The following ATRNL1 variants were observed in gnomAD, a reference collection of about 807,000 sequenced individuals.
ATRNL1 encodes attractin-like protein 1.
Under a neutral mutation model 182.7 loss-of-function variants are expected in ATRNL1, and 95 were observed. The observed-to-expected ratio is 0.52, with a 90% CI of 0.44 to 0.62. The LOEUF (loss-of-function observed/expected upper bound fraction) is 0.62, where lower values mean the gene tolerates loss of function less well. Among genes scored for constraint, ATRNL1 ranks in the 20% least tolerant of loss-of-function variants. The pLI, the probability that ATRNL1 is intolerant of heterozygous loss-of-function variation, is 0.00. For synonymous variants in ATRNL1, 576 were observed against 568.3 expected (o/e 1.01, Z -0.19); for missense variants, 1,471 against 1,679.5 (o/e 0.88, Z 2.17).
At chr10:115,558,817 A>G (rs76796224) in intron 26 of ATRNL1, among the ~76,000 whole-genome samples, 2,974 of 148,444 alleles carry the variant, frequency 0.02, 65 homozygotes, top group East Asian at 0.12. Context: ...ACTAATTCTC[A>G]GTAAGAACAG....
intron 26 of ATRNL1, 83 bp downstream of exon 26, chr10:115,549,619 C>A: frequency 1.1e-6 from 1 of 879,660 alleles, no homozygotes; most frequent in Admixed American, 3.0e-5. Context: ...ACCATGCTCT[C>A]TTGGAATGCA....
chr10:115,584,113 G>T (rs1431934041), intron 26 of ATRNL1, among the ~76,000 whole-genome samples: 1 of 151,366 alleles, frequency 6.6e-6, no homozygotes, highest in African/African-American at 2.4e-5. Context: ...ACTCGATCAT[G>T]GTGGATAAGC....
intron 3 of ATRNL1, among the ~76,000 whole-genome samples, chr10:115,124,211 C>T (rs569017181): frequency 6.6e-6 from 1 of 152,126 alleles, no homozygotes; most frequent in Admixed American, 6.5e-5. Flanking sequence ...TAGCTGCAAG[C>T]TTGGTGCTCC....
At chr10:115,824,757 A>T (rs1950388507) in intron 27 of ATRNL1, among the ~76,000 whole-genome samples, 2 of 152,138 alleles carry the variant, frequency 1.3e-5, no homozygotes, top group African/African-American at 4.8e-5. Context: ...GTCATTAAAA[A>T]GTCAGATGCT....
At chr10:115,345,746 A>G (rs1390440877) in intron 19 of ATRNL1, among the ~76,000 whole-genome samples, 1 of 152,130 alleles carries the variant, frequency 6.6e-6, no homozygotes, top group African/African-American at 2.4e-5. Context: ...GAAACTCCGT[A>G]CTCATGAAGG....
intron 26 of ATRNL1, among the ~76,000 whole-genome samples, chr10:115,640,524 T>A (rs1279708204): frequency 6.6e-6 from 1 of 152,178 alleles, no homozygotes; most frequent in Non-Finnish European, 1.5e-5. Flanking sequence ...TCTCTAATGA[T>A]GAGTGATGAT....
intron 24 of ATRNL1, among the ~76,000 whole-genome samples, chr10:115,516,563 C>T (rs782653607): frequency 6.6e-6 from 1 of 151,890 alleles, no homozygotes; most frequent in Non-Finnish European, 1.5e-5. Context: ...TCATGTCATT[C>T]CCATAGCTCA....
At chr10:115,748,740 ATTTAC>A (rs1427738445) in intron 27 of ATRNL1, among the ~76,000 whole-genome samples, 1 of 151,870 alleles carries the variant, frequency 6.6e-6, no homozygotes, top group African/African-American at 2.4e-5. Context: ...CTACTCTCAT[ATTTAC>A]TTAATCTGTC....
chr10:115,431,360 A>G (rs1296893634), intron 21 of ATRNL1, among the ~76,000 whole-genome samples: 1 of 150,256 alleles, frequency 6.7e-6, no homozygotes, highest in Non-Finnish European at 1.5e-5. Flanking sequence ...GAGAACTGAG[A>G]TTGTGCCATT....
At chr10:115,772,016 AT>A (rs1233753552) in intron 27 of ATRNL1, among the ~76,000 whole-genome samples, 5 of 152,200 alleles carry the variant, frequency 3.3e-5, no homozygotes, top group African/African-American at 1.2e-4. Context: ...ATTGAACACC[AT>A]CTTAAGTTGT....
rs538230709 is a variant in ATRNL1, at chr10:115,751,333, G to T, written c.3903+23978G>T. Reference sequence around the variant, plus strand: ...TTTTAGCTCCCTGAGAACTATTTTTGACTTCTGATTTCCAGAACTGTAAGA... The same window carrying T: ...TTTTAGCTCCCTGAGAACTATTTTTTACTTCTGATTTCCAGAACTGTAAGA... On this transcript the variant is annotated intron_variant, in intron 27 of 28. Coordinates refer to ENST00000355044, the MANE Select transcript of ATRNL1 (RefSeq NM_207303.4). 3.9e-5 allele frequency among the ~76,000 whole-genome samples: 6 copies of T among 152,098 alleles called. No individual in the cohort carries two copies. The South Asian group carries it at 1.2e-3, about 32-fold the overall frequency.
intron 20 of ATRNL1, among the ~76,000 whole-genome samples, chr10:115,420,508 A>G (rs1031593760): frequency 6.6e-6 from 1 of 152,200 alleles, no homozygotes; most frequent in Non-Finnish European, 1.5e-5. Context: ...TTCTTGAGAA[A>G]AATCAGAATG....
intron 26 of ATRNL1, among the ~76,000 whole-genome samples, chr10:115,579,862 C>A (rs1275716627): frequency 2.0e-5 from 3 of 151,540 alleles, no homozygotes; most frequent in African/African-American, 4.8e-5. Context: ...ATTGCTGTTC[C>A]TTTTTCTTTT....
At chr10:115,277,800 TC>T (rs1364375068) in intron 13 of ATRNL1, among the ~76,000 whole-genome samples, 1 of 152,176 alleles carries the variant, frequency 6.6e-6, no homozygotes, top group African/African-American at 2.4e-5. Context: ...CTACTTTTTT[TC>T]TTTATTGGAA....
At position 115,531,844 on chromosome 10, in the gene ATRNL1, T is replaced by C. The variant is rs1454797557; in HGVS notation, c.3716+12520T>C. Among the ~76,000 whole-genome samples the C allele has an allele frequency of 1.6e-3, 228 of 144,450 alleles. 26 individuals carry two copies. The highest frequency in any genetic ancestry group is 3.0e-3 in the Non-Finnish European group (191 of 63,250). 94.8% of individuals were successfully genotyped at this position (144,450 alleles called of 152,430 possible). A position where few individuals can be genotyped will look rare whatever the true frequency, so the allele number is the denominator to read the frequency against. On this transcript the variant is annotated intron_variant, in intron 25 of 28. Coordinates refer to ENST00000355044, the MANE Select transcript of ATRNL1 (RefSeq NM_207303.4). ...AGGGATCCAGTTTCAGCATTCTACG[T>C]ATGGCTAGCCAGTTTTCCCAGCACC...
chr10:115,907,031 A>G (rs1555114728), intron 28 of ATRNL1, among the ~76,000 whole-genome samples: 1 of 152,164 alleles, frequency 6.6e-6, no homozygotes, highest in Admixed American at 6.5e-5. Flanking sequence ...TTGAATTTTC[A>G]GATTAGGGAT....
chr10:115,607,027 A>G (rs1245323767), intron 26 of ATRNL1, among the ~76,000 whole-genome samples: 3 of 151,986 alleles, frequency 2.0e-5, no homozygotes, highest in Non-Finnish European at 4.4e-5. Context: ...TGCAGTGATG[A>G]TATTTCTCAA....
intron 28 of ATRNL1, among the ~76,000 whole-genome samples, chr10:115,940,948 A>G (rs186137691): frequency 6.6e-6 from 1 of 152,334 alleles, no homozygotes; most frequent in Non-Finnish European, 1.5e-5. Context: ...GTTCATAATT[A>G]AACTACAAGG....
rs138709567 is a variant in ATRNL1, at chr10:115,559,414, T to TTGTGTGTGTGTGTG, written c.3795+9895_3795+9908dup. Among the ~76,000 whole-genome samples the TTGTGTGTGTGTGTG allele has an allele frequency of 9.2e-3, 1,351 of 147,572 alleles. 20 individuals carry two copies. The highest frequency in any genetic ancestry group is 0.028 in the African/African-American group (1,145 of 40,306). On this transcript the variant is annotated intron_variant, in intron 26 of 28. Coordinates refer to ENST00000355044, the MANE Select transcript of ATRNL1 (RefSeq NM_207303.4). ...CCTGACATACTCTCATTCTTGGTGT[T>TTGTGTGTGTGTGTG]TGTGTGTGTGTGTGTGTGTGTGTGT...
Sources: gnomAD v4.1 joint callset for allele counts (sites outside exome capture counted in the v4.1 genomes callset) on GRCh38, gnomAD v4.1.1 for gene constraint, MANE v1.5 for transcripts, NCBI Gene and HGNC (gene_info 2026-07-23, HGNC 2026-07-21) for gene names.